Variants in KCNT1 observed in about 807,000 individuals in gnomAD.
KCNT1 encodes the protein potassium channel subfamily T member 1.
A neutral mutation model predicts 147.8 loss-of-function variants in KCNT1; 78 were observed. The observed-to-expected ratio is 0.53, with a 90% CI of 0.44 to 0.64. KCNT1 has a LOEUF of 0.64. Among genes scored for constraint, KCNT1 ranks in the 30% least tolerant of loss-of-function variants. KCNT1 has a pLI of 0.00. For synonymous variants in KCNT1, 867 were observed against 748.8 expected, an observed-to-expected ratio of 1.16 and a Z score of -2.58; for missense variants, 1,419 against 1,750.3, an observed-to-expected ratio of 0.81 and a Z score of 3.38.
rs538921588 is a variant in KCNT1 at position 135,748,150 on chromosome 9, T to C, written c.255-1948T>C. Among the ~76,000 whole-genome samples, 4 of 152,196 alleles carry C rather than the reference T, an allele frequency of 2.6e-5. No homozygotes were observed. The South Asian group carries it at 8.3e-4, about 32-fold the overall frequency. On this transcript the variant is annotated intron_variant, in intron 2 of 30. Coordinates refer to ENST00000371757, the MANE Select transcript of KCNT1 (RefSeq NM_020822.3). ...GGTCTTGCTATGTTGTCTAGGCTGG[T>C]CTCAAACTCCCGGCCTCAAGCGATC...
chr9:135,771,921 C>T (rs1431626694), intron 18 of KCNT1, among the ~76,000 whole-genome samples: 1 of 152,066 alleles, frequency 6.6e-6, no homozygotes, highest in East Asian at 1.9e-4. Context: ...CCCAGCACGC[C>T]CACCCTGGGG....
At chr9:135,774,033 C>CA (rs1564375551) in intron 19 of KCNT1, among the ~76,000 whole-genome samples, 1 of 145,148 alleles carries the variant, frequency 6.9e-6, no homozygotes, top group Non-Finnish European at 1.6e-5. Flanking sequence ...GGGGTGTGTC[C>CA]GGTGTGTGTG....
intron 2 of KCNT1, among the ~76,000 whole-genome samples, chr9:135,732,817 C>A (rs1408942259): frequency 6.6e-6 from 1 of 150,580 alleles, no homozygotes; most frequent in African/African-American, 2.4e-5. Context: ...CCTTCCTTTC[C>A]TTCTTCCTTC....
rs961516388 is a variant in KCNT1, at chr9:135,719,030, G to A, written c.254+4310G>A. Among the ~76,000 whole-genome samples the A allele has an allele frequency of 7.9e-5, 12 of 152,310 alleles. No individual in the cohort carries two copies. In the East Asian group the frequency reaches 1.7e-3, roughly 22 times the overall value. Reference sequence around the variant, plus strand: ...ACCACTGCTTACCAGATGGTGTCTCGGGTGCTCCCATGGAGCAGCATTCAG... The same window carrying A: ...ACCACTGCTTACCAGATGGTGTCTCAGGTGCTCCCATGGAGCAGCATTCAG... On this transcript the variant is annotated intron_variant, in intron 2 of 30. Transcript: ENST00000371757.
intron 13 of KCNT1, 184 bp from the exon 14 acceptor site, chr9:135,768,426 G>A (rs949406659): frequency 6.5e-5 from 26 of 399,140 alleles, no homozygotes; most frequent in Admixed American, 1.7e-4. Context: ...GCCTCCTCCC[G>A]CCTTCCATCC....
In KCNT1 at chr9:135,776,413, A is replaced by G. The variant is rs373942151; in HGVS notation, c.2350-925A>G. The stretch of plus-strand genomic sequence containing the variant: ...GCTGGGAACACAGGCACGCACCACC[A>G]CACCTGGCTAATTTTATTTATTTAT... On this transcript the variant is annotated intron_variant, in intron 20 of 30. Transcript: ENST00000371757. 4.6e-5 allele frequency among the ~76,000 whole-genome samples: 7 copies of G among 151,292 alleles called. No individual in the cohort carries two copies. In the East Asian group the frequency reaches 1.4e-3, roughly 30 times the overall value.
rs747837141 is a variant in KCNT1, at chr9:135,786,237, G to C, written c.3218G>C (p.Arg1073Pro). 2 of 1,611,542 alleles carry C rather than the reference G, an allele frequency of 1.2e-6. No homozygotes were observed. The highest frequency in any genetic ancestry group is 3.3e-5 in the Admixed American group (2 of 59,932). Residue 1073 changes from arginine (R) to proline (P), a missense_variant, in exon 29 of 31, where the codon CGG becomes CCG. Around this residue, in one of 5 missense-constraint regions of KCNT1, gnomAD observed 306 missense variants for 294.2 expected, o/e 1.04. Transcript: ENST00000371757. ...SVNVEDCEDTREVKGPWGSRA... is the reference protein window; with the variant it reads ...SVNVEDCEDTPEVKGPWGSRA... ...AACGTGGAGGACTGTGAGGACACAC[G>C]GGAAGTGAAGGGGCCCTGGGGCTCC...
At chr9:135,755,807 A>G (rs1300890419) in intron 6 of KCNT1, among the ~76,000 whole-genome samples, 1 of 147,134 alleles carries the variant, frequency 6.8e-6, no homozygotes, top group East Asian at 2.1e-4. Flanking sequence ...CAGGCTCAGT[A>G]AATGCTGAGG....
At position 135,768,765 on chromosome 9, in the gene KCNT1, C is replaced by T. The variant is rs57788375; in HGVS notation, c.1402-64C>T. 0.017 allele frequency: 25,921 copies of T among 1,540,898 alleles called. 1,095 individuals carry two copies. Among genetic ancestry groups the T allele is most frequent in the African/African-American group, 0.15 (11,338 of 73,506 alleles). ...AGGGAAGAGACCTGCCCCAGGCTGC[C>T]GGTGCCGCCCAGCAGCCCACAGAGG... On this transcript the variant is annotated intron_variant, in intron 14 of 30. Transcript: ENST00000371757.
intron 1 of KCNT1, among the ~76,000 whole-genome samples, chr9:135,713,425 T>C (rs1835585735): frequency 6.6e-6 from 1 of 152,234 alleles, no homozygotes; most frequent in Admixed American, 6.5e-5. Context: ...CCATAGCTCC[T>C]TGCCTGCTGC....
chr9:135,770,265 G>A (rs762669757), intron 16 of KCNT1, 33 bp from the exon 17 acceptor site: 13 of 1,560,352 alleles, frequency 8.3e-6, no homozygotes, highest in Non-Finnish European at 1.1e-5. Flanking sequence ...ATGGCCGAGG[G>A]TGACGCTCCC....
chr9:135,751,500 A>G (rs1179796192), intron 4 of KCNT1, among the ~76,000 whole-genome samples: 2 of 152,068 alleles, frequency 1.3e-5, no homozygotes, highest in Non-Finnish European at 2.9e-5. Flanking sequence ...CCTGGGGCCC[A>G]TGCTCCAGGG....
At chr9:135,740,315 T>C (rs1203976886) in intron 2 of KCNT1, among the ~76,000 whole-genome samples, 1 of 152,122 alleles carries the variant, frequency 6.6e-6, no homozygotes, top group East Asian at 1.9e-4. Context: ...CTCTGGGCAT[T>C]CCCCAGGTTT....
intron 11 of KCNT1, among the ~76,000 whole-genome samples, chr9:135,763,958 G>A (rs1832085227): frequency 2.0e-5 from 3 of 152,184 alleles, no homozygotes. Flanking sequence ...ACCATCCGCG[G>A]GGAAGCCTCT....
chr9:135,712,863 T>TCA (rs1445507462), intron 1 of KCNT1, among the ~76,000 whole-genome samples: 3 of 152,190 alleles, frequency 2.0e-5, no homozygotes, highest in Non-Finnish European at 4.4e-5. Flanking sequence ...CTCGCTCAAG[T>TCA]GTCAAAGCAG....
chr9:135,731,423 T>G (rs969955001), intron 2 of KCNT1, among the ~76,000 whole-genome samples: 1 of 152,218 alleles, frequency 6.6e-6, no homozygotes, highest in Non-Finnish European at 1.5e-5. Context: ...TTTGTGTAAT[T>G]CTCTAACGCT....
At chr9:135,731,165 G>T (rs1318655260) in intron 2 of KCNT1, among the ~76,000 whole-genome samples, 1 of 152,018 alleles carries the variant, frequency 6.6e-6, no homozygotes, top group Non-Finnish European at 1.5e-5. Context: ...CCTTGGACAT[G>T]ACCCCATTCC....
intron 1 of KCNT1, among the ~76,000 whole-genome samples, chr9:135,710,633 T>G (rs1320085080): frequency 6.6e-6 from 1 of 152,156 alleles, no homozygotes; most frequent in Admixed American, 6.5e-5. Flanking sequence ...TCTCTGTCTT[T>G]TCTTGGGCCA....
intron 29 of KCNT1, 25 bp from the exon 30 acceptor site, chr9:135,791,772 G>GT: frequency 6.2e-7 from 1 of 1,609,106 alleles, no homozygotes; most frequent in African/African-American, 1.3e-5. Flanking sequence ...GGGGGGTGAC[G>GT]TCTGCCCGGC....
Sources: allele counts gnomAD v4.1 joint callset (sites outside exome capture counted in the v4.1 genomes callset), GRCh38; gene constraint gnomAD v4.1.1; regional missense constraint gnomAD v4.1.1; transcripts MANE v1.5; gene names NCBI Gene and HGNC (gene_info 2026-07-23, HGNC 2026-07-21).